CDH26: variants seen among roughly 807,000 people sequenced by gnomAD.
The protein encoded by CDH26 is cadherin 26.
A neutral mutation model predicts 90.3 loss-of-function variants in CDH26; 83 were observed. That is an observed-to-expected ratio of 0.92 (90% CI 0.77 to 1.10). The LOEUF (loss-of-function observed/expected upper bound fraction) is 1.10. CDH26 is among the 50% of genes least tolerant of loss of function. CDH26 has a pLI of 0.00. For synonymous variants in CDH26, 397 were observed against 396.3 expected (o/e 1.00, Z -0.02); for missense variants, 1,013 against 1,037.6 (o/e 0.98, Z 0.33).
intron 17 of CDH26, among the ~76,000 whole-genome samples, chr20:60,007,703 A>G (rs2061771738): frequency 6.6e-6 from 1 of 150,564 alleles, no homozygotes; most frequent in African/African-American, 2.4e-5. Context: ...TCCAGGGTTC[A>G]CTTTCGTCTC....
exon 8 of CDH26, chr20:60,031,363 C>T (rs745452308): frequency 4.5e-5 from 58 of 1,279,326 alleles, no homozygotes; most frequent in South Asian, 4.4e-4. Flanking sequence ...GACTGGTAAA[C>T]GGAAACACGG....
chr20:59,987,730 T>C, intron 8 of CDH26, 92 bp downstream of exon 8: 1 of 1,200,400 alleles, frequency 8.3e-7, no homozygotes, highest in Non-Finnish European at 1.2e-6. Flanking sequence ...GGAGCTAACG[T>C]CCGTGGATGC....
Position 59,996,656 on chromosome 20 carries a change from C to T in CDH26, c.1914C>T (p.Cys638=). The T allele has an allele frequency of 6.2e-7, 1 of 1,614,190 alleles. No individual in the cohort carries two copies. Among genetic ancestry groups the T allele is most frequent in the South Asian group, 1.1e-5 (1 of 91,092 alleles). ...TGGCTCTGCTTTTTCTGTTGCGATG[C>T]TATTTTGTGCTTGAACCTAAGAGGC... ...LAVALLFLLR[C]YFVLEPKRHG... is the part of the protein sequence containing the mutation. Residue 638 remains cysteine, a synonymous_variant, in exon 13 of 18, where the codon TGC becomes TGT. Coordinates refer to ENST00000348616, the MANE Select transcript of CDH26 (RefSeq NM_177980.4).
At position 59,963,509 on chromosome 20, in the gene CDH26, T is replaced by C. The variant is rs978131878; in HGVS notation, c.69+4714T>C. Among the ~76,000 whole-genome samples the C allele has an allele frequency of 2.0e-5, 3 of 152,274 alleles. No individual in the cohort carries two copies. In the East Asian group the frequency reaches 5.8e-4, roughly 29 times the overall value. On this transcript the variant is annotated intron_variant, in intron 1 of 17. Transcript: ENST00000348616. The stretch of plus-strand genomic sequence containing the variant: ...CTTCTAAACTTATAAATCCACATGC[T>C]TAACCAATACTTTATACTATCTGCA...
intron 16 of CDH26, among the ~76,000 whole-genome samples, chr20:60,005,142 A>T (rs2061729397): frequency 6.6e-6 from 1 of 152,124 alleles, no homozygotes; most frequent in Non-Finnish European, 1.5e-5. Context: ...TATTTTCCTT[A>T]ATGACATTTT....
At chr20:59,984,553 A>G in intron 5 of CDH26, 86 bp from the exon 6 acceptor site, 1 of 1,102,644 alleles carries the variant, frequency 9.1e-7, no homozygotes, top group Non-Finnish European at 1.3e-6. Flanking sequence ...ATATGCCCCA[A>G]TGCCATTTAG....
chr20:59,990,702 T>G (rs915615342), intron 9 of CDH26, among the ~76,000 whole-genome samples: 1 of 152,170 alleles, frequency 6.6e-6, no homozygotes, highest in African/African-American at 2.4e-5. Flanking sequence ...GTTATCTCAT[T>G]GTGAGCAGCC....
At chr20:60,023,028 G>T (rs759394084) in intron 7 of CDH26, among the ~76,000 whole-genome samples, 4 of 152,234 alleles carry the variant, frequency 2.6e-5, no homozygotes, top group Non-Finnish European at 2.9e-5. Context: ...CCAATGGGAG[G>T]CAACTTCCAG....
At chr20:60,006,270 A>G (rs962843583) in intron 16 of CDH26, among the ~76,000 whole-genome samples, 1 of 152,186 alleles carries the variant, frequency 6.6e-6, no homozygotes, top group African/African-American at 2.4e-5. Context: ...CTGCCCTTAG[A>G]TAGCACAGAG....
Position 59,995,982 on chromosome 20 carries a change from C to T in CDH26, c.1816C>T (p.Leu606Phe), listed in dbSNP as rs1301418868. The part of the protein sequence containing the change: ...PCASGLTCVE[L>F]ADAEVGLHVG... ...TGCCAGTGGGCTCACATGTGTGGAG[C>T]TTGCAGATGCAGAAGTGGGGCTTCA... Residue 606 changes from leucine (L) to phenylalanine (F), a missense_variant, in exon 12 of 18, where the codon CTT becomes TTT. Transcript: ENST00000348616. The T allele has an allele frequency of 1.9e-6, 3 of 1,614,088 alleles. No homozygotes were observed. In the African/African-American group the frequency reaches 4.0e-5, roughly 22 times the overall value.
chr20:59,988,012 C>G (rs888365759), intron 8 of CDH26, among the ~76,000 whole-genome samples: 3 of 152,128 alleles, frequency 2.0e-5, no homozygotes, highest in Non-Finnish European at 2.9e-5. Flanking sequence ...TTCTTTTCAT[C>G]TGAGTTTTCA....
At chr20:59,984,052 A>G (rs194990) in intron 5 of CDH26, among the ~76,000 whole-genome samples, 35,899 of 152,168 alleles carry the variant, frequency 0.24, 5,175 homozygotes, top group East Asian at 0.47. Context: ...TTTACTTAGC[A>G]TGAATTCAGA....
At chr20:59,999,357 A>T (rs1267418295) in intron 13 of CDH26, among the ~76,000 whole-genome samples, 1 of 152,188 alleles carries the variant, frequency 6.6e-6, no homozygotes, top group Non-Finnish European at 1.5e-5. Context: ...GAACCATGAG[A>T]AGCTCAACCT....
chr20:59,991,475 A>G (rs1023266515), intron 9 of CDH26, among the ~76,000 whole-genome samples: 6 of 152,206 alleles, frequency 3.9e-5, no homozygotes, highest in African/African-American at 1.4e-4. Context: ...GATAATCCAC[A>G]GAGGAACTCT....
chr20:59,968,089 T>C lies in CDH26; in HGVS notation c.70-878T>C, dbSNP rs549196416. Among the ~76,000 whole-genome samples, 189 of 144,364 alleles carry C rather than the reference T, an allele frequency of 1.3e-3. 1 individual carries two copies. The highest frequency in any genetic ancestry group is 4.8e-3 in the African/African-American group (184 of 38,304). 94.7% of individuals were successfully genotyped at this position (144,364 alleles called of 152,430 possible). On this transcript the variant is annotated intron_variant, in intron 1 of 17. Transcript: ENST00000348616. ...TCTCTCTCTCCCTCTCTTTCTTTCT[T>C]TCCTTCTTTCCTTCTTTCTTTCTTC...
intron 4 of CDH26, among the ~76,000 whole-genome samples, chr20:59,976,148 C>T (rs911727271): frequency 2.6e-5 from 4 of 152,132 alleles, no homozygotes; most frequent in Non-Finnish European, 5.9e-5. Context: ...GTGCATTTGG[C>T]GCTGAAGGTG....
Position 60,012,738 on chromosome 20 carries a change from A to AT in CDH26, c.*8_*9insT, listed in dbSNP as rs1569063806. ...TCAGGTGTTCCTTCCTAAAAAAAAA[A>AT]GTCTATTTTGGAGAATTGAAATAAT... On this transcript the variant is annotated 3_prime_UTR_variant, in exon 18 of 18. Coordinates refer to ENST00000348616, the MANE Select transcript of CDH26 (RefSeq NM_177980.4). The AT allele has an allele frequency of 1.9e-6, 3 of 1,607,504 alleles. No individual in the cohort carries two copies.
chr20:59,967,856 T>C (rs2061176455), intron 1 of CDH26, among the ~76,000 whole-genome samples: 2 of 114,584 alleles, frequency 1.7e-5, no homozygotes. Flanking sequence ...TTTCTTTCTT[T>C]CTTTCTTTCT....
chr20:60,016,869 A>C (rs2061909693), downstream of CDH26, among the ~76,000 whole-genome samples: 1 of 152,102 alleles, frequency 6.6e-6, no homozygotes, highest in Non-Finnish European at 1.5e-5. Flanking sequence ...ATCCGTTGAG[A>C]TAATCATATG....
Sources: allele counts gnomAD v4.1 joint callset (sites outside exome capture counted in the v4.1 genomes callset), GRCh38; gene constraint gnomAD v4.1.1; transcripts MANE v1.5; gene names NCBI Gene and HGNC (gene_info 2026-07-23, HGNC 2026-07-21).